The following KLHL18 variants were observed in gnomAD, a reference collection of about 807,000 sequenced individuals.
KLHL18 encodes the protein kelch like family member 18.
KLHL18 carries 38 observed loss-of-function variants against 58.5 expected under a neutral mutation model. The observed-to-expected ratio is 0.65, with a 90% CI of 0.50 to 0.85. KLHL18 has a LOEUF of 0.85. KLHL18 is among the 40% of genes least tolerant of loss of function. The pLI, the probability that KLHL18 is intolerant of heterozygous loss-of-function variation, is 0.00. For missense variants in KLHL18, 624 were observed against 778.4 expected (o/e 0.80, Z 2.36); for synonymous variants, 303 against 301.9 (o/e 1.00, Z -0.04).
intron 1 of KLHL18, chr3:47,283,303 A>G: frequency 3.3e-6 from 2 of 598,234 alleles, no homozygotes; most frequent in Non-Finnish European, 5.9e-6. Flanking sequence ...AGCCCTTGAA[A>G]GGAAAGGTTG....
At chr3:47,307,174 C>T (rs780110518) in intron 1 of KLHL18, among the ~76,000 whole-genome samples, 2 of 152,118 alleles carry the variant, frequency 1.3e-5, no homozygotes, top group Non-Finnish European at 2.9e-5. Flanking sequence ...CGGGTTCAAG[C>T]GATTCTCCTG....
intron 1 of KLHL18, among the ~76,000 whole-genome samples, chr3:47,300,092 T>C (rs1702983161): frequency 6.6e-6 from 1 of 150,810 alleles, no homozygotes; most frequent in Non-Finnish European, 1.5e-5. Flanking sequence ...CTGTCCTCTT[T>C]CCCTTCTCCA....
intron 7 of KLHL18, among the ~76,000 whole-genome samples, chr3:47,340,173 A>T (rs148162048): frequency 2.4e-4 from 36 of 152,318 alleles, no homozygotes; most frequent in Non-Finnish European, 3.7e-4. Flanking sequence ...GATCTGATGG[A>T]TGAATGAATG....
At chr3:47,299,536 C>T (rs1202269125) in intron 1 of KLHL18, among the ~76,000 whole-genome samples, 3 of 151,188 alleles carry the variant, frequency 2.0e-5, no homozygotes, top group African/African-American at 7.3e-5. Context: ...CTCAAGATTG[C>T]AAAATAGGCT....
intron 4 of KLHL18, among the ~76,000 whole-genome samples, chr3:47,332,882 C>T (rs773533766): frequency 6.6e-6 from 1 of 151,832 alleles, no homozygotes; most frequent in Non-Finnish European, 1.5e-5. Context: ...ACAGGAGCAG[C>T]GGGAAGGGAA....
chr3:47,332,602 C>CG (rs1268720368), intron 4 of KLHL18, among the ~76,000 whole-genome samples: 45 of 20,480 alleles, frequency 2.2e-3, no homozygotes, highest in African/African-American at 4.5e-3. Flanking sequence ...TGACGGGGGG[C>CG]GGGGGGGCAG....
At chr3:47,293,441 A>C (rs890058902) in intron 1 of KLHL18, among the ~76,000 whole-genome samples, 11 of 152,144 alleles carry the variant, frequency 7.2e-5, no homozygotes, top group Non-Finnish European at 1.3e-4. Flanking sequence ...CTAAGGAGTA[A>C]TCTTTCCTAC....
chr3:47,317,256 G>A (rs1183728483), intron 1 of KLHL18, among the ~76,000 whole-genome samples: 2 of 152,070 alleles, frequency 1.3e-5, no homozygotes, highest in Non-Finnish European at 2.9e-5. Flanking sequence ...GGAATTACAG[G>A]TGTCTGCCAC....
intron 5 of KLHL18, among the ~76,000 whole-genome samples, chr3:47,333,825 T>A (rs1703923441): frequency 6.6e-6 from 1 of 152,138 alleles, no homozygotes; most frequent in Admixed American, 6.5e-5. Flanking sequence ...CCAGAGCAAA[T>A]CAATGACAAC....
chr3:47,300,939 C>T (rs1456680816), intron 1 of KLHL18, among the ~76,000 whole-genome samples: 1 of 152,124 alleles, frequency 6.6e-6, no homozygotes, highest in Non-Finnish European at 1.5e-5. Flanking sequence ...CACGCCCGGC[C>T]TCACTGGGAT....
chr3:47,313,000 C>T (rs929193399), intron 1 of KLHL18, among the ~76,000 whole-genome samples: 8 of 150,568 alleles, frequency 5.3e-5, no homozygotes, highest in Non-Finnish European at 1.0e-4. Context: ...GGCTCCGCCT[C>T]CCAGGTTCAC....
rs769840322 is a variant in KLHL18, at chr3:47,336,605, A to G, written c.969A>G (p.Thr323=). 2.5e-6 allele frequency: 4 copies of G among 1,614,136 alleles called. No individual in the cohort carries two copies. The highest frequency in any genetic ancestry group is 2.2e-5 in the East Asian group (1 of 44,900). The change falls in exon 7 of 10, where the codon ACA becomes ACG. Residue 323 remains threonine (T), a synonymous_variant. Transcript: ENST00000232766. ...GCTGGGAGAGATGCCGTCCCATGACAACAGCCCGCAGCCGCGTTGGCGTGG... is the reference window on the plus strand; with the variant it reads ...GCTGGGAGAGATGCCGTCCCATGACGACAGCCCGCAGCCGCGTTGGCGTGG... ...ANCWERCRPM[T]TARSRVGVAV...
chr3:47,342,650 T>G, intron 8 of KLHL18, 69 bp from the exon 9 acceptor site: 1 of 1,284,532 alleles, frequency 7.8e-7, no homozygotes, highest in Non-Finnish European at 1.1e-6. Context: ...TAAACCCTGC[T>G]AGGCTGTCTT....
At position 47,322,631 on chromosome 3, in the gene KLHL18, C is replaced by T. The variant is rs763799920; in HGVS notation, c.324C>T (p.Val108=). Residue 108 remains valine (V), a synonymous_variant, in exon 3 of 10, where the codon GTC becomes GTT. Coordinates refer to ENST00000232766, the MANE Select transcript of KLHL18 (RefSeq NM_025010.5). ...ACCTTGCCATTGACCAGCAAAATGT[C>T]CAGTCATTGCTGATGGGGGCGAGCT... is the stretch of plus-strand genomic sequence containing the variant. ...NGNLAIDQQN[V]QSLLMGASFL... is the part of the protein sequence containing the mutation. The T allele has an allele frequency of 6.9e-6, 11 of 1,604,612 alleles. No individual in the cohort carries two copies. In the South Asian group the frequency reaches 1.1e-4, roughly 16 times the overall value.
chr3:47,328,959 GTC>G (rs1205619008), intron 3 of KLHL18, among the ~76,000 whole-genome samples: 5 of 151,786 alleles, frequency 3.3e-5, no homozygotes, highest in African/African-American at 1.2e-4. Flanking sequence ...GTGAATCCCT[GTC>G]TCTACCACAA....
chr3:47,293,314 G>C (rs190512863), intron 1 of KLHL18, among the ~76,000 whole-genome samples: 20 of 152,314 alleles, frequency 1.3e-4, no homozygotes, highest in Admixed American at 1.1e-3. Context: ...AAGATAATTA[G>C]CTCAAGAAGA....
intron 4 of KLHL18, among the ~76,000 whole-genome samples, chr3:47,332,047 G>A (rs1439435159): frequency 6.6e-6 from 1 of 152,094 alleles, no homozygotes; most frequent in Non-Finnish European, 1.5e-5. Flanking sequence ...GATGAGGGAC[G>A]AAGGTTAGAA....
intron 1 of KLHL18, among the ~76,000 whole-genome samples, chr3:47,299,695 C>T (rs909785674): frequency 9.9e-5 from 15 of 151,708 alleles, no homozygotes; most frequent in African/African-American, 3.6e-4. Flanking sequence ...GATGTTGTGG[C>T]ACATGCCTGT....
At chr3:47,308,399 C>A (rs895207750) in intron 1 of KLHL18, among the ~76,000 whole-genome samples, 2 of 152,012 alleles carry the variant, frequency 1.3e-5, no homozygotes, top group African/African-American at 4.8e-5. Flanking sequence ...TTTTTCTTTT[C>A]TTTTCTTTTG....
Sources: gnomAD v4.1 joint callset for allele counts (sites outside exome capture counted in the v4.1 genomes callset) on GRCh38, gnomAD v4.1.1 for gene constraint, MANE v1.5 for transcripts, NCBI Gene and HGNC (gene_info 2026-07-23, HGNC 2026-07-21) for gene names.